HTR1F: variants seen among roughly 807,000 people sequenced by gnomAD.
HTR1F encodes 5-hydroxytryptamine (serotonin) receptor 1F, G protein-coupled.
HTR1F carries 17 observed loss-of-function variants against 24.0 expected under a neutral mutation model. The observed-to-expected ratio is 0.71, with a 90% CI of 0.48 to 1.06. The LOEUF (loss-of-function observed/expected upper bound fraction) is 1.06. Among genes scored for constraint, HTR1F ranks in the 50% least tolerant of loss-of-function variants. HTR1F has a pLI of 0.00. For synonymous variants in HTR1F, 186 were observed against 156.8 expected, an observed-to-expected ratio of 1.19 and a Z score of -1.39; for missense variants, 391 against 427.8, an observed-to-expected ratio of 0.91 and a Z score of 0.76.
intron 2 of HTR1F, among the ~76,000 whole-genome samples, chr3:87,840,902 TA>T (rs1704788324): frequency 1.3e-5 from 2 of 151,538 alleles, no homozygotes; most frequent in African/African-American, 4.9e-5. Flanking sequence ...AAGTAGAAAA[TA>T]GAAAGACAGT....
chr3:87,958,400 G>T (rs889757645), intron 2 of HTR1F, among the ~76,000 whole-genome samples: 1 of 151,500 alleles, frequency 6.6e-6, no homozygotes, highest in Non-Finnish European at 1.5e-5. Context: ...TGGAGTGACT[G>T]TCTGTCTCTC....
At chr3:87,979,095 GGAAGGAAGGAAGGGAGGAAGGA>G (rs1705482282) in intron 2 of HTR1F, among the ~76,000 whole-genome samples, 1 of 21,258 alleles carries the variant, frequency 4.7e-5, no homozygotes, top group Non-Finnish European at 1.6e-4. Flanking sequence ...AAGGAAGGAA[GGAAGGAAGGAAGGGAGGAAGGA>G]AGGGAGGGAG....
At chr3:87,969,509 TC>T (rs1469004312) in intron 2 of HTR1F, among the ~76,000 whole-genome samples, 1 of 152,192 alleles carries the variant, frequency 6.6e-6, no homozygotes, top group East Asian at 1.9e-4. Flanking sequence ...GGGCCTGTAG[TC>T]CCTTTGTTTT....
At chr3:87,861,462 T>C (rs1325180647) in intron 2 of HTR1F, among the ~76,000 whole-genome samples, 1 of 152,176 alleles carries the variant, frequency 6.6e-6, no homozygotes, top group Non-Finnish European at 1.5e-5. Context: ...ATCAAAATTA[T>C]TGCCACATTC....
chr3:87,847,741 G>C (rs1198044428), intron 2 of HTR1F, among the ~76,000 whole-genome samples: 1 of 151,588 alleles, frequency 6.6e-6, no homozygotes, highest in Non-Finnish European at 1.5e-5. Flanking sequence ...TCTATTCTCT[G>C]TATCCATAAG....
chr3:87,953,542 C>T (rs1377989021), intron 2 of HTR1F, among the ~76,000 whole-genome samples: 2 of 142,568 alleles, frequency 1.4e-5, no homozygotes, highest in African/African-American at 5.3e-5. Flanking sequence ...AAAAAAAATG[C>T]CAGCAAGGAT....
intron 2 of HTR1F, among the ~76,000 whole-genome samples, chr3:87,954,427 C>G (rs180906943): frequency 6.6e-6 from 1 of 151,764 alleles, no homozygotes; most frequent in East Asian, 1.9e-4. Context: ...AATAAATATA[C>G]GTAGCCACAA....
chr3:87,943,263 G>A lies in HTR1F; in HGVS notation c.-42-47445G>A, dbSNP rs569981045. ...CAAACTCTCAGGCTGCAGTTATGGCGACACTTCTCTCATTTGGGGTTAGTG... is the reference window on the plus strand; with the variant it reads ...CAAACTCTCAGGCTGCAGTTATGGCAACACTTCTCTCATTTGGGGTTAGTG... On this transcript the variant is annotated intron_variant, in intron 2 of 2. Coordinates refer to ENST00000319595, the MANE Select transcript of HTR1F (RefSeq NM_001322209.2). Among the ~76,000 whole-genome samples, 18 of 152,270 alleles carry A rather than the reference G, an allele frequency of 1.2e-4. No homozygotes were observed. The South Asian group carries it at 3.5e-3, about 30-fold the overall frequency.
At chr3:87,927,104 C>G (rs1034638656) in intron 2 of HTR1F, among the ~76,000 whole-genome samples, 1 of 152,128 alleles carries the variant, frequency 6.6e-6, no homozygotes, top group Non-Finnish European at 1.5e-5. Flanking sequence ...CTTGCCCACA[C>G]TCAGAGATTC....
chr3:87,798,428 G>A (rs1456048846), intron 1 of HTR1F, among the ~76,000 whole-genome samples: 1 of 151,896 alleles, frequency 6.6e-6, no homozygotes, highest in Non-Finnish European at 1.5e-5. Context: ...TGCAACTTGA[G>A]CCTCTTCTGT....
intron 1 of HTR1F, among the ~76,000 whole-genome samples, chr3:87,802,397 A>G (rs530532033): frequency 5.3e-4 from 78 of 148,186 alleles, no homozygotes; most frequent in Non-Finnish European, 8.8e-4. Flanking sequence ...CTAGAGTGCA[A>G]TAGTAGGATG....
At chr3:87,851,999 C>A (rs1482634347) in intron 2 of HTR1F, among the ~76,000 whole-genome samples, 1 of 150,716 alleles carries the variant, frequency 6.6e-6, no homozygotes, top group Non-Finnish European at 1.5e-5. Context: ...ACATTTCTAC[C>A]AGCAATAGCT....
At chr3:87,886,188 T>A (rs1705938452) in intron 2 of HTR1F, among the ~76,000 whole-genome samples, 1 of 151,968 alleles carries the variant, frequency 6.6e-6, no homozygotes, top group Admixed American at 6.6e-5. Flanking sequence ...GGTTCAACAT[T>A]CACAAATCAA....
chr3:87,991,186 T>C lies in HTR1F; in HGVS notation c.437T>C (p.Ile146Thr). Residue 146 changes from isoleucine (I) to threonine (T), a missense_variant, in exon 3 of 3, where the codon ATA becomes ACA. Ile to Thr is a moderately conservative substitution (Grantham distance 89). Transcript: ENST00000319595. ...AAGCATGCTGGCATTATGATTACAA[T>C]AGTTTGGATTATATCTGTTTTTATC... ...TPKHAGIMIT[I>T]VWIISVFISM... 3 of 1,614,002 alleles carry C rather than the reference T, an allele frequency of 1.9e-6. No individual in the cohort carries two copies. Among genetic ancestry groups the C allele is most frequent in the Non-Finnish European group, 2.5e-6 (3 of 1,179,976 alleles).
intron 2 of HTR1F, among the ~76,000 whole-genome samples, chr3:87,871,542 A>C (rs1705557328): frequency 6.6e-6 from 1 of 152,138 alleles, no homozygotes; most frequent in Non-Finnish European, 1.5e-5. Flanking sequence ...GAAAATGGAC[A>C]TCTAAATTCA....
chr3:87,857,942 C>G (rs1705231364), intron 2 of HTR1F, among the ~76,000 whole-genome samples: 1 of 152,002 alleles, frequency 6.6e-6, no homozygotes, highest in Non-Finnish European at 1.5e-5. Flanking sequence ...TTTTATTTTT[C>G]AACTAAATTG....
chr3:87,849,571 C>G (rs1401936526), intron 2 of HTR1F, among the ~76,000 whole-genome samples: 3 of 151,826 alleles, frequency 2.0e-5, no homozygotes, highest in African/African-American at 7.3e-5. Flanking sequence ...GTATAAAACA[C>G]CAAAAGCAAT....
intron 1 of HTR1F, among the ~76,000 whole-genome samples, chr3:87,795,020 T>G (rs1703881166): frequency 7.6e-6 from 1 of 130,766 alleles, no homozygotes; most frequent in Non-Finnish European, 1.6e-5. Flanking sequence ...TGAGATGGAG[T>G]CTCTGTCTCC....
chr3:87,853,183 C>G (rs924747), intron 2 of HTR1F, among the ~76,000 whole-genome samples: 23,656 of 149,930 alleles, frequency 0.16, 2,235 homozygotes, highest in African/African-American at 0.25. Context: ...AGCCTAGTAC[C>G]CATTAGTTAT....
Sources: allele counts gnomAD v4.1 joint callset (sites outside exome capture counted in the v4.1 genomes callset), GRCh38; gene constraint gnomAD v4.1.1; transcripts MANE v1.5; gene names NCBI Gene and HGNC (gene_info 2026-07-23, HGNC 2026-07-21).